IPPK: variants seen among roughly 807,000 people sequenced by gnomAD.
IPPK encodes the protein IPK1 homolog.
IPPK carries 22 observed loss-of-function variants against 64.6 expected under a neutral mutation model. The ratio of observed to expected loss-of-function variants is 0.34; its 90% CI spans 0.24 to 0.49. The LOEUF (loss-of-function observed/expected upper bound fraction) is 0.49. Among genes scored for constraint, IPPK ranks in the 20% least tolerant of loss-of-function variants. The pLI is 0.99. For synonymous variants in IPPK, 262 were observed against 247.2 expected, an observed-to-expected ratio of 1.06 and a Z score of -0.56; for missense variants, 532 against 630.7, an observed-to-expected ratio of 0.84 and a Z score of 1.68.
At chr9:92,629,780 C>G (rs1293463778) in intron 11 of IPPK, among the ~76,000 whole-genome samples, 1 of 150,574 alleles carries the variant, frequency 6.6e-6, no homozygotes, top group African/African-American at 2.4e-5. Flanking sequence ...AAGTGGGCAA[C>G]AAGCACATGA....
intron 2 of IPPK, 31 bp downstream of exon 2, chr9:92,658,603 G>A: frequency 6.4e-7 from 1 of 1,564,812 alleles, no homozygotes; most frequent in Non-Finnish European, 8.8e-7. Flanking sequence ...AATAATTGTT[G>A]TAAGTCTGGG....
intron 1 of IPPK, among the ~76,000 whole-genome samples, chr9:92,667,192 C>T (rs907050621): frequency 1.3e-5 from 2 of 152,240 alleles, no homozygotes; most frequent in Non-Finnish European, 2.9e-5. Context: ...AGGCCTCCCT[C>T]TCTCTTGGAC....
chr9:92,617,959 TC>T, intron 12 of IPPK: 1 of 323,212 alleles, frequency 3.1e-6, no homozygotes, highest in Non-Finnish European at 6.1e-6. Flanking sequence ...ATGTGGTCAA[TC>T]TATCTGTGAG....
Position 92,615,565 on chromosome 9 carries a change from C to A in IPPK, c.*267G>T. On this transcript the variant is annotated 3_prime_UTR_variant, in exon 13 of 13. Transcript: ENST00000287996. Reference sequence around the variant, plus strand: ...GCCCTGGTTGGGAAAGAAGAACTATCCAGAACGTCTTCCCAGGGCTTAACG... The same window carrying A: ...GCCCTGGTTGGGAAAGAAGAACTATACAGAACGTCTTCCCAGGGCTTAACG... 2.3e-6 allele frequency: 1 copy of A among 432,822 alleles called. No individual in the cohort carries two copies. The highest frequency in any genetic ancestry group is 2.4e-5 in the South Asian group (1 of 40,900). The allele number at this position is 432,822 out of a possible 1,614,324, so 26.8% of individuals were successfully genotyped here.
Position 92,636,754 on chromosome 9 carries a change from GT to G in IPPK, c.916+1246del, listed in dbSNP as rs530887611. Among the ~76,000 whole-genome samples the G allele has an allele frequency of 1.6e-4, 24 of 152,218 alleles. No individual in the cohort carries two copies. The South Asian group carries it at 5.0e-3, about 32-fold the overall frequency. On this transcript the variant is annotated intron_variant, in intron 9 of 12. Coordinates refer to ENST00000287996, the MANE Select transcript of IPPK (RefSeq NM_022755.6). Reference sequence around the variant, plus strand: ...ATGACATGTAGAGTATGATCTTATTGTTTTAAACTGCACATCCCAGCAGCCA... The same window carrying G: ...ATGACATGTAGAGTATGATCTTATTGTTTAAACTGCACATCCCAGCAGCCA...
At chr9:92,647,742 C>A (rs1195381275) in intron 6 of IPPK, among the ~76,000 whole-genome samples, 1 of 151,498 alleles carries the variant, frequency 6.6e-6, no homozygotes, top group East Asian at 1.9e-4. Flanking sequence ...AAGAGTGAAT[C>A]TGGTGAACAC....
chr9:92,644,619 T>C (rs1218735939), intron 6 of IPPK, among the ~76,000 whole-genome samples: 1 of 152,190 alleles, frequency 6.6e-6, no homozygotes, highest in Non-Finnish European at 1.5e-5. Flanking sequence ...TTAGAGGCAA[T>C]TGTTTAACTT....
chr9:92,616,248 C>T (rs1171486366), intron 12 of IPPK, 191 bp from the exon 13 acceptor site: 17 of 543,860 alleles, frequency 3.1e-5, no homozygotes, highest in Non-Finnish European at 4.3e-5. Flanking sequence ...AAAGAGCACT[C>T]GTTCTGTGCA....
At chr9:92,632,609 C>T (rs1408324174) in intron 11 of IPPK, among the ~76,000 whole-genome samples, 1 of 152,228 alleles carries the variant, frequency 6.6e-6, no homozygotes, top group Non-Finnish European at 1.5e-5. Context: ...TCAACGTACC[C>T]AACTGGCAGA....
At chr9:92,667,546 G>C (rs1056117792) in intron 1 of IPPK, among the ~76,000 whole-genome samples, 3 of 152,176 alleles carry the variant, frequency 2.0e-5, no homozygotes, top group African/African-American at 7.2e-5. Context: ...TATGTGCAGT[G>C]ATAATCTTCA....
chr9:92,657,783 C>G (rs879931415), intron 2 of IPPK, among the ~76,000 whole-genome samples: 6 of 152,108 alleles, frequency 3.9e-5, no homozygotes, highest in Non-Finnish European at 8.8e-5. Context: ...ATGGCTCTCT[C>G]CCCTCTTTCT....
At chr9:92,664,641 G>A (rs948766731) in intron 1 of IPPK, among the ~76,000 whole-genome samples, 9 of 152,218 alleles carry the variant, frequency 5.9e-5, no homozygotes, top group Non-Finnish European at 1.3e-4. Context: ...CTCACTGCCT[G>A]TAAAGGGGAA....
chr9:92,642,695 C>A, intron 7 of IPPK, 57 bp downstream of exon 7: 1 of 1,507,408 alleles, frequency 6.6e-7, no homozygotes, highest in Non-Finnish European at 9.2e-7. Context: ...CTGGCCCCCG[C>A]CCTACCCATC....
At chr9:92,661,217 A>G (rs1311829937) in intron 1 of IPPK, among the ~76,000 whole-genome samples, 1 of 152,242 alleles carries the variant, frequency 6.6e-6, no homozygotes, top group Non-Finnish European at 1.5e-5. Flanking sequence ...CAGGTCTCAG[A>G]GAACCCAGGT....
At chr9:92,647,129 G>C (rs528830606) in intron 6 of IPPK, among the ~76,000 whole-genome samples, 43 of 152,304 alleles carry the variant, frequency 2.8e-4, no homozygotes, top group South Asian at 6.2e-4. Flanking sequence ...AGATATGAAA[G>C]AAGGGGACAC....
intron 1 of IPPK, among the ~76,000 whole-genome samples, chr9:92,667,859 C>T (rs950674412): frequency 4.0e-5 from 6 of 151,644 alleles, no homozygotes; most frequent in East Asian, 1.9e-4. Context: ...ACCAAGATTG[C>T]GCCACTGCAG....
At chr9:92,617,147 T>A (rs1851466915) in intron 12 of IPPK, 1 of 152,072 alleles carries the variant, frequency 6.6e-6, no homozygotes, top group East Asian at 1.9e-4. Flanking sequence ...AGGTCATGAG[T>A]CTCGCTCCAG....
intron 8 of IPPK, among the ~76,000 whole-genome samples, chr9:92,640,308 C>T (rs1261718906): frequency 6.9e-6 from 1 of 144,242 alleles, no homozygotes; most frequent in Non-Finnish European, 1.5e-5. Context: ...CCCACCCCCA[C>T]CTCCTCTCCC....
intron 1 of IPPK, among the ~76,000 whole-genome samples, chr9:92,666,374 G>A (rs765080052): frequency 3.3e-5 from 5 of 152,184 alleles, no homozygotes; most frequent in Non-Finnish European, 7.3e-5. Context: ...AGGCGCAGGC[G>A]TCACACAGGA....
Sources: allele counts gnomAD v4.1 joint callset (sites outside exome capture counted in the v4.1 genomes callset), GRCh38; gene constraint gnomAD v4.1.1; transcripts MANE v1.5; gene names NCBI Gene and HGNC (gene_info 2026-07-23, HGNC 2026-07-21).